The following TLN2 variants were observed in gnomAD, a reference collection of about 807,000 sequenced individuals.
TLN2 encodes the protein talin-2.
Under a neutral mutation model 294.7 loss-of-function variants are expected in TLN2, and 118 were observed. The observed-to-expected ratio is 0.40, with a 90% confidence interval of 0.34 to 0.47. The LOEUF is 0.47. Ranked by LOEUF, TLN2 falls within the 20% of genes least tolerant of loss-of-function variation. The pLI, the probability that TLN2 is intolerant of heterozygous loss-of-function variation, is 0.84. For synonymous variants in TLN2, 1,431 were observed against 1,304.5 expected, an observed-to-expected ratio of 1.10 and a Z score of -2.09; for missense variants, 3,083 against 3,282.2, an observed-to-expected ratio of 0.94 and a Z score of 1.48.
chr15:62,596,148 C>T (rs767773617), intron 2 of TLN2, among the ~76,000 whole-genome samples: 53 of 151,390 alleles, frequency 3.5e-4, no homozygotes, highest in Non-Finnish European at 5.3e-4. Context: ...GCCTGTAGTC[C>T]CAGCTACTCT....
At chr15:62,567,814 G>T (rs2043533638) in intron 1 of TLN2, among the ~76,000 whole-genome samples, 1 of 152,154 alleles carries the variant, frequency 6.6e-6, no homozygotes, top group Non-Finnish European at 1.5e-5. Flanking sequence ...ACTGGAGCCT[G>T]GGTGACAGAG....
At chr15:62,546,996 C>G (rs2042029550) in intron 1 of TLN2, among the ~76,000 whole-genome samples, 1 of 152,146 alleles carries the variant, frequency 6.6e-6, no homozygotes, top group Admixed American at 6.5e-5. Flanking sequence ...AGGAAAAGAC[C>G]AGCGTTAATC....
chr15:62,583,025 AC>A (rs1320223090), intron 1 of TLN2, among the ~76,000 whole-genome samples: 2 of 152,174 alleles, frequency 1.3e-5, no homozygotes, highest in African/African-American at 4.8e-5. Context: ...AAAAAGGAAA[AC>A]AAAAATTGTT....
At chr15:62,685,679 G>A (rs1459108638) in intron 11 of TLN2, among the ~76,000 whole-genome samples, 1 of 152,002 alleles carries the variant, frequency 6.6e-6, no homozygotes, top group Non-Finnish European at 1.5e-5. Context: ...AAACTTATTT[G>A]CTTATTTATT....
rs1430784336 is a variant in TLN2 at position 62,697,827 on chromosome 15, G to T, written c.1432G>T (p.Val478Phe). The change falls in exon 15 of 59, where the codon GTC (valine) becomes TTC (phenylalanine). Residue 478 changes from valine (V) to phenylalanine (F), a missense_variant. Val to Phe is a conservative substitution (Grantham distance 50). Transcript: ENST00000636159. Reference sequence around the variant, plus strand: ...CAGCATGCCCTCGCCACAGCAGCAGGTCATGGTTGGGCAGATGCACCGAGG... The same window carrying T: ...CAGCATGCCCTCGCCACAGCAGCAGTTCATGGTTGGGCAGATGCACCGAGG... ...VGSMPSPQQQVMVGQMHRGHM... is the reference protein window; with the variant it reads ...VGSMPSPQQQFMVGQMHRGHM... 2 of 1,613,036 alleles carry T rather than the reference G, an allele frequency of 1.2e-6. No individual in the cohort carries two copies. The highest frequency in any genetic ancestry group is 2.2e-5 in the East Asian group (1 of 44,862).
intron 3 of TLN2, among the ~76,000 whole-genome samples, chr15:62,630,487 AGAG>A (rs2049693170): frequency 6.6e-6 from 1 of 152,208 alleles, no homozygotes; most frequent in Admixed American, 6.5e-5. Flanking sequence ...CACATAACTC[AGAG>A]GAGGAGAAGT....
Position 62,708,707 on chromosome 15 carries a change from G to A in TLN2, c.2378G>A (p.Ser793Asn), listed in dbSNP as rs1453622585. 2 of 1,613,602 alleles carry A rather than the reference G, an allele frequency of 1.2e-6. No homozygotes were observed. The highest frequency in any genetic ancestry group is 2.2e-5 in the South Asian group (2 of 91,080). The change falls in exon 21 of 59, where the codon AGC (serine) becomes AAC (asparagine). Residue 793 changes from serine (S) to asparagine (N), a missense_variant. Coordinates refer to ENST00000636159, the MANE Select transcript of TLN2 (RefSeq NM_015059.3). ...DLLQHVRQFA[S>N]RGEPIGRYDQ... ...CTGCAGCATGTGCGGCAGTTTGCCA[G>A]CCGAGGCGAGCCCATCGGCCGCTAC...
intron 3 of TLN2, among the ~76,000 whole-genome samples, chr15:62,632,207 G>T (rs1283944304): frequency 6.6e-6 from 1 of 152,228 alleles, no homozygotes; most frequent in African/African-American, 2.4e-5. Context: ...GCCCCTGTGG[G>T]GCGTGGCATT....
At chr15:62,593,689 T>G (rs913914654) in intron 2 of TLN2, among the ~76,000 whole-genome samples, 1 of 152,232 alleles carries the variant, frequency 6.6e-6, no homozygotes, top group Non-Finnish European at 1.5e-5. Flanking sequence ...AATTCCATAC[T>G]GGGAAGATCT....
chr15:62,657,166 C>G lies in TLN2; in HGVS notation c.661-605C>G, dbSNP rs1482666516. Among the ~76,000 whole-genome samples, 2 of 145,988 alleles carry G rather than the reference C, an allele frequency of 1.4e-5. 1 individual carries two copies. Among genetic ancestry groups the G allele is most frequent in the Non-Finnish European group, 3.0e-5 (2 of 65,984 alleles). On this transcript the variant is annotated intron_variant, in intron 8 of 58. Coordinates refer to ENST00000636159, the MANE Select transcript of TLN2 (RefSeq NM_015059.3). ...AGGCTGAAAAGGTGGGGGGGGGAAGCAACAGCAGTGATGGATGGAGAAACT... is the reference window on the plus strand; with the variant it reads ...AGGCTGAAAAGGTGGGGGGGGGAAGGAACAGCAGTGATGGATGGAGAAACT...
intron 1 of TLN2, among the ~76,000 whole-genome samples, chr15:62,430,083 A>G (rs1275760549): frequency 6.6e-6 from 1 of 152,232 alleles, no homozygotes; most frequent in African/African-American, 2.4e-5. Flanking sequence ...TGGAATGTAT[A>G]TATAAGTGTA....
chr15:62,442,489 T>G (rs2035598098), intron 1 of TLN2, among the ~76,000 whole-genome samples: 1 of 53,786 alleles, frequency 1.9e-5, no homozygotes, highest in African/African-American at 5.7e-5. Context: ...TGAGACTCTG[T>G]CTCAGAAAAA....
chr15:62,651,984 TG>T lies in TLN2; in HGVS notation c.235-20del. ...TATTTTCCCCACACAGTGTGAAATT[TG>T]TATGTGGTTTGTGCTCTAGGATATT... On this transcript the variant is annotated intron_variant, in intron 5 of 58. Transcript: ENST00000636159. The T allele has an allele frequency of 6.4e-7, 1 of 1,562,576 alleles. No individual in the cohort carries two copies. The highest frequency in any genetic ancestry group is 8.7e-7 in the Non-Finnish European group (1 of 1,151,762).
In TLN2 at chr15:62,776,869, G is replaced by A. The variant is rs1404071219; in HGVS notation, c.5473G>A (p.Val1825Ile). The change falls in exon 43 of 59, where the codon GTT becomes ATT. Residue 1825 changes from valine (V) to isoleucine (I), a missense_variant. By Grantham distance (29) the Val-to-Ile change is conservative. Transcript: ENST00000636159. ...LNEAASEVGL[V>I]GGMVDAIAEA... ...CGAAGCTGCCAGTGAAGTGGGGCTGGTTGGGGGCATGGTGGACGCCATTGC... is the reference window on the plus strand; with the variant it reads ...CGAAGCTGCCAGTGAAGTGGGGCTGATTGGGGGCATGGTGGACGCCATTGC... 6.3e-7 allele frequency: 1 copy of A among 1,596,838 alleles called. No homozygotes were observed. Among genetic ancestry groups the A allele is most frequent in the Non-Finnish European group, 8.5e-7 (1 of 1,171,368 alleles).
At chr15:62,569,202 T>C (rs1164008968) in intron 1 of TLN2, among the ~76,000 whole-genome samples, 8 of 152,222 alleles carry the variant, frequency 5.3e-5, no homozygotes, top group African/African-American at 1.9e-4. Flanking sequence ...TCCAGGATGC[T>C]CTTCTCTCGA....
intron 2 of TLN2, among the ~76,000 whole-genome samples, chr15:62,613,758 G>A (rs370875139): frequency 6.7e-6 from 1 of 149,890 alleles, no homozygotes; most frequent in South Asian, 2.1e-4. Context: ...AGGGGACTAA[G>A]ACTAAGCATG....
intron 5 of TLN2, among the ~76,000 whole-genome samples, chr15:62,650,853 C>G (rs1328523732): frequency 6.6e-6 from 1 of 152,050 alleles, no homozygotes; most frequent in Non-Finnish European, 1.5e-5. Context: ...GTTCATACTT[C>G]TAGTTTTAGG....
rs2059777004 is a variant in TLN2 at position 62,716,429 on chromosome 15, T to C, written c.2733T>C (p.Ala911=). The change falls in exon 23 of 59, where the codon GCT becomes GCC. Residue 911 remains alanine (A), a synonymous_variant. Transcript: ENST00000636159. ...RVATNAAAQN[A]IKKKIVNRLE... ...CAACCAACGCAGCTGCCCAGAATGC[T>C]ATTAAGAAAAAAATTGTCAACCGAC... is the stretch of plus-strand genomic sequence containing the variant. The C allele has an allele frequency of 6.2e-7, 1 of 1,608,418 alleles. No individual in the cohort carries two copies. Among genetic ancestry groups the C allele is most frequent in the Non-Finnish European group, 8.5e-7 (1 of 1,177,718 alleles).
intron 1 of TLN2, among the ~76,000 whole-genome samples, chr15:62,587,123 A>G (rs923358076): frequency 3.9e-5 from 6 of 152,226 alleles, no homozygotes; most frequent in Non-Finnish European, 7.3e-5. Flanking sequence ...ACCCTCGGAA[A>G]TGAATGGCAG....
Sources: allele counts gnomAD v4.1 joint callset (sites outside exome capture counted in the v4.1 genomes callset), GRCh38; gene constraint gnomAD v4.1.1; transcripts MANE v1.5; gene names NCBI Gene and HGNC (gene_info 2026-07-23, HGNC 2026-07-21).